Variants in FOCAD observed in about 807,000 individuals in gnomAD.
FOCAD encodes focadhesin.
In FOCAD, 198 loss-of-function variants were observed where a neutral mutation model predicts 225.6. That is an observed-to-expected ratio of 0.88 (90% confidence interval 0.78 to 0.99). The LOEUF (loss-of-function observed/expected upper bound fraction) is 0.99. Among genes scored for constraint, FOCAD ranks in the 50% least tolerant of loss-of-function variants. The pLI is 0.00. For synonymous variants in FOCAD, 897 were observed against 755.0 expected (o/e 1.19, Z -3.08); for missense variants, 2,713 against 2,123.6 (o/e 1.28, Z -5.46).
chr9:20,915,082 G>A (rs973862963), intron 23 of FOCAD, among the ~76,000 whole-genome samples: 4 of 152,184 alleles, frequency 2.6e-5, no homozygotes, highest in African/African-American at 4.8e-5. Context: ...GCAGGTCTGC[G>A]TAGAATAGGA....
chr9:20,849,338 C>A (rs1827425829), intron 15 of FOCAD, among the ~76,000 whole-genome samples: 2 of 151,734 alleles, frequency 1.3e-5, no homozygotes, highest in Non-Finnish European at 2.9e-5. Flanking sequence ...TCTATCCTCT[C>A]CTTTCCCCCA....
At chr9:20,969,503 T>C (rs1839570521) in intron 35 of FOCAD, among the ~76,000 whole-genome samples, 1 of 152,110 alleles carries the variant, frequency 6.6e-6, no homozygotes, top group African/African-American at 2.4e-5. Flanking sequence ...TTAATCTAAT[T>C]TGAATTGATT....
intron 1 of FOCAD, among the ~76,000 whole-genome samples, chr9:20,714,634 G>GCCTGCCTGCCTGCCTGCCTGCCTGCCTT (rs1270720981): frequency 5.0e-5 from 6 of 120,112 alleles, no homozygotes; most frequent in South Asian, 2.8e-4. Context: ...CTGCCTGCCT[G>GCCTGCCTGCCTGCCTGCCTGCCTGCCTT]CCTTCCTTCC....
intron 35 of FOCAD, among the ~76,000 whole-genome samples, chr9:20,971,063 A>C (rs1167222121): frequency 6.6e-6 from 1 of 152,146 alleles, no homozygotes; most frequent in Non-Finnish European, 1.5e-5. Context: ...TCAAAATTGT[A>C]AAGTTTGTCT....
rs548476418 is a variant in FOCAD at position 20,986,041 on chromosome 9, A to G, written c.4729-247A>G. ...TTATTATTGTTTGTGTATATTTACT[A>G]TATATCATCACTGACTAACTCCTGA... is the stretch of plus-strand genomic sequence containing the variant. On this transcript the variant is annotated intron_variant, in intron 39 of 43. Coordinates refer to ENST00000338382, the MANE Select transcript of FOCAD (RefSeq NM_001375567.1). Among the ~76,000 whole-genome samples the G allele has an allele frequency of 2.6e-4, 40 of 152,184 alleles. 1 individual carries two copies. The highest frequency in any genetic ancestry group is 9.2e-4 in the African/African-American group (38 of 41,512).
At chr9:20,915,890 A>G (rs1833827876) in intron 23 of FOCAD, among the ~76,000 whole-genome samples, 1 of 152,184 alleles carries the variant, frequency 6.6e-6, no homozygotes, top group South Asian at 2.1e-4. Flanking sequence ...CACACTGACC[A>G]ATGAAATATT....
intron 39 of FOCAD, among the ~76,000 whole-genome samples, chr9:20,985,189 C>A (rs1841047385): frequency 6.6e-6 from 1 of 152,142 alleles, no homozygotes; most frequent in Non-Finnish European, 1.5e-5. Context: ...CATTAAATTC[C>A]ACAGGTCTGT....
At chr9:20,756,297 G>A (rs948102286) in intron 5 of FOCAD, among the ~76,000 whole-genome samples, 1 of 152,148 alleles carries the variant, frequency 6.6e-6, no homozygotes, top group Non-Finnish European at 1.5e-5. Flanking sequence ...GGTTAGGTGA[G>A]GTTAAGAAGA....
intron 5 of FOCAD, among the ~76,000 whole-genome samples, chr9:20,742,970 A>G (rs541085074): frequency 2.6e-5 from 4 of 152,338 alleles, no homozygotes; most frequent in South Asian, 2.1e-4. Flanking sequence ...GTTTAGCACT[A>G]TAAATCAGTA....
intron 8 of FOCAD, among the ~76,000 whole-genome samples, chr9:20,773,044 A>G (rs1818395123): frequency 6.6e-6 from 1 of 152,042 alleles, no homozygotes; most frequent in Admixed American, 6.6e-5. Flanking sequence ...AGTATTATGT[A>G]GATAAATTGC....
At chr9:20,878,806 C>T (rs1297844564) in intron 19 of FOCAD, among the ~76,000 whole-genome samples, 1 of 152,120 alleles carries the variant, frequency 6.6e-6, no homozygotes, top group Non-Finnish European at 1.5e-5. Flanking sequence ...GCTTCAGAAC[C>T]TGGGAAGTGG....
chr9:20,666,160 A>G (rs1821894491), intron 2 of FOCAD, among the ~76,000 whole-genome samples: 1 of 152,118 alleles, frequency 6.6e-6, no homozygotes, highest in Non-Finnish European at 1.5e-5. Flanking sequence ...TTGTTTGTTC[A>G]TTTGTTGTTA....
At chr9:20,899,288 C>G (rs1479245121) in intron 21 of FOCAD, among the ~76,000 whole-genome samples, 1 of 151,896 alleles carries the variant, frequency 6.6e-6, no homozygotes, top group Non-Finnish European at 1.5e-5. Flanking sequence ...TGGGGACCCT[C>G]CCTATGCCTG....
chr9:20,951,660 A>G (rs1837700317), intron 34 of FOCAD, among the ~76,000 whole-genome samples: 1 of 152,224 alleles, frequency 6.6e-6, no homozygotes, highest in South Asian at 2.1e-4. Flanking sequence ...TGGAATTGAA[A>G]TTCTAGGCCT....
At chr9:20,860,912 A>G (rs1046255688) in intron 15 of FOCAD, among the ~76,000 whole-genome samples, 1 of 152,184 alleles carries the variant, frequency 6.6e-6, no homozygotes, top group African/African-American at 2.4e-5. Flanking sequence ...AACTGCTTTG[A>G]TATTCTAAGT....
At chr9:20,662,956 T>C (rs997271893) in intron 2 of FOCAD, among the ~76,000 whole-genome samples, 1 of 152,266 alleles carries the variant, frequency 6.6e-6, no homozygotes, top group African/African-American at 2.4e-5. Flanking sequence ...GTCTTGAGTC[T>C]AATGTATTTC....
chr9:20,799,233 C>G (rs568707121), intron 11 of FOCAD, among the ~76,000 whole-genome samples: 3 of 152,136 alleles, frequency 2.0e-5, no homozygotes, highest in Non-Finnish European at 4.4e-5. Context: ...AATTTGTGTT[C>G]TTTTACATTT....
intron 8 of FOCAD, among the ~76,000 whole-genome samples, chr9:20,776,916 AG>A (rs1243491923): frequency 6.6e-6 from 1 of 152,200 alleles, no homozygotes; most frequent in African/African-American, 2.4e-5. Flanking sequence ...ATGGTATGAT[AG>A]TATATACTGT....
intron 7 of FOCAD, among the ~76,000 whole-genome samples, chr9:20,767,596 T>C (rs1830162983): frequency 6.6e-6 from 1 of 151,228 alleles, no homozygotes; most frequent in Non-Finnish European, 1.5e-5. Flanking sequence ...GATTTTTTCA[T>C]GTGTTTTTTG....
Sources: gnomAD v4.1 joint callset for allele counts (sites outside exome capture counted in the v4.1 genomes callset) on GRCh38, gnomAD v4.1.1 for gene constraint, MANE v1.5 for transcripts, NCBI Gene and HGNC (gene_info 2026-07-23, HGNC 2026-07-21) for gene names.